EPHA6: variants seen among roughly 807,000 people sequenced by gnomAD.
EPHA6 encodes ephrin type-A receptor 6.
Under a neutral mutation model 112.0 loss-of-function variants are expected in EPHA6, and 50 were observed. That is an observed-to-expected ratio of 0.45 (90% confidence interval 0.36 to 0.56). The LOEUF (loss-of-function observed/expected upper bound fraction) is 0.56. Ranked by LOEUF, EPHA6 falls within the 20% of genes least tolerant of loss-of-function variation. The probability of loss-of-function intolerance (pLI) is 0.00; values close to 1 mark genes in which losing one functional copy is unlikely to be tolerated. For missense variants in EPHA6, 1,280 were observed against 1,417.4 expected (o/e 0.90, Z 1.56); for synonymous variants, 529 against 490.7 (o/e 1.08, Z -1.03).
intron 3 of EPHA6, among the ~76,000 whole-genome samples, chr3:97,000,368 T>G (rs1315292575): frequency 6.7e-6 from 1 of 149,988 alleles, no homozygotes; most frequent in Non-Finnish European, 1.5e-5. Context: ...TTTTATATAT[T>G]TTATATATAT....
intron 3 of EPHA6, among the ~76,000 whole-genome samples, chr3:97,220,384 T>G (rs887910932): frequency 4.6e-5 from 7 of 152,184 alleles, no homozygotes; most frequent in African/African-American, 1.7e-4. Flanking sequence ...CCCACTCTCT[T>G]TGGTACCAAT....
intron 3 of EPHA6, among the ~76,000 whole-genome samples, chr3:97,217,586 G>T (rs1002353442): frequency 1.3e-5 from 2 of 152,046 alleles, no homozygotes; most frequent in African/African-American, 4.8e-5. Context: ...AAAATGAAGA[G>T]GTATAAGAAA....
intron 3 of EPHA6, among the ~76,000 whole-genome samples, chr3:97,040,597 CTCTT>C (rs2045277436): frequency 1.3e-5 from 2 of 152,008 alleles, no homozygotes; most frequent in South Asian, 2.1e-4. Flanking sequence ...TATTTCAACT[CTCTT>C]TCTCTGATCA....
intron 10 of EPHA6, among the ~76,000 whole-genome samples, chr3:97,511,921 T>C (rs1231589577): frequency 1.3e-5 from 2 of 152,220 alleles, no homozygotes; most frequent in Admixed American, 6.5e-5. Context: ...CCAGCATTTT[T>C]AGTTTAATTT....
At chr3:97,443,808 G>A (rs1376623579) in intron 6 of EPHA6, among the ~76,000 whole-genome samples, 1 of 151,956 alleles carries the variant, frequency 6.6e-6, no homozygotes, top group Non-Finnish European at 1.5e-5. Context: ...ATTACTATGT[G>A]GTCCATAAGG....
intron 2 of EPHA6, among the ~76,000 whole-genome samples, chr3:96,893,787 G>A (rs2038111152): frequency 6.6e-6 from 1 of 152,168 alleles, no homozygotes; most frequent in Admixed American, 6.5e-5. Flanking sequence ...TGTTTGCTAT[G>A]TTGAAAGCAA....
chr3:96,829,947 GCGCACACA>G (rs1471247742), intron 1 of EPHA6, among the ~76,000 whole-genome samples: 4 of 70,458 alleles, frequency 5.7e-5, no homozygotes, highest in South Asian at 7.1e-4. Flanking sequence ...GTGCGCGCGC[GCGCACACA>G]CACACACACA....
Position 97,244,210 on chromosome 3 carries a change from A to G in EPHA6, c.1529A>G (p.Glu510Gly). 6.2e-7 allele frequency: 1 copy of G among 1,613,224 alleles called. No homozygotes were observed. The highest frequency in any genetic ancestry group is 8.5e-7 in the Non-Finnish European group (1 of 1,179,390). Residue 510 changes from glutamate (E) to glycine (G), a missense_variant, in exon 5 of 18, where the codon GAA (glutamate) becomes GGA (glycine). Glu to Gly is a moderately conservative substitution (Grantham distance 98). Transcript: ENST00000389672. ...VSHVNYTFEIEAMNGVSELSF... is the reference protein window; with the variant it reads ...VSHVNYTFEIGAMNGVSELSF... The stretch of plus-strand genomic sequence containing the variant: ...CACGTGAATTACACCTTTGAAATAG[A>G]AGCAATGAATGGAGTTTCTGAGTTG...
intron 5 of EPHA6, among the ~76,000 whole-genome samples, chr3:97,364,764 A>T (rs1271532104): frequency 1.3e-5 from 2 of 152,166 alleles, no homozygotes; most frequent in Non-Finnish European, 1.5e-5. Flanking sequence ...ATTTACTTTT[A>T]AAAGTACATT....
intron 5 of EPHA6, among the ~76,000 whole-genome samples, chr3:97,250,869 T>C (rs1576770769): frequency 2.0e-5 from 3 of 152,106 alleles, no homozygotes; most frequent in Non-Finnish European, 4.4e-5. Context: ...TATTTTCTTT[T>C]TTTTTTTCTC....
chr3:97,441,484 A>G (rs1464919659), intron 6 of EPHA6: 11 of 929,378 alleles, frequency 1.2e-5, no homozygotes, highest in Admixed American at 6.2e-5. Context: ...TAAGTCAGAC[A>G]TAATTATATT....
At chr3:96,886,540 C>T (rs2037636308) in intron 2 of EPHA6, among the ~76,000 whole-genome samples, 1 of 152,128 alleles carries the variant, frequency 6.6e-6, no homozygotes, top group African/African-American at 2.4e-5. Context: ...CCTTTTTCCA[C>T]TCCTTATACT....
At chr3:97,302,261 A>G (rs1162457970) in intron 5 of EPHA6, among the ~76,000 whole-genome samples, 1 of 152,022 alleles carries the variant, frequency 6.6e-6, no homozygotes, top group African/African-American at 2.4e-5. Context: ...AGAATTTAGT[A>G]TGATGGTTTT....
intron 14 of EPHA6, among the ~76,000 whole-genome samples, chr3:97,707,808 T>C (rs2033760954): frequency 6.6e-6 from 1 of 151,990 alleles, no homozygotes; most frequent in Non-Finnish European, 1.5e-5. Flanking sequence ...TGAGTTCTCA[T>C]GAGATCTGAT....
chr3:96,842,494 G>A (rs1352790797), intron 1 of EPHA6, among the ~76,000 whole-genome samples: 2 of 151,830 alleles, frequency 1.3e-5, no homozygotes, highest in South Asian at 2.1e-4. Context: ...GCTTCCCTCC[G>A]TAACCTCTAA....
chr3:97,092,155 G>A (rs554390878), intron 3 of EPHA6, among the ~76,000 whole-genome samples: 42 of 149,638 alleles, frequency 2.8e-4, no homozygotes, highest in African/African-American at 8.4e-4. Flanking sequence ...GTAAACAAAA[G>A]ATAGAACGTT....
chr3:97,069,155 C>T (rs994420204), intron 3 of EPHA6, among the ~76,000 whole-genome samples: 2 of 151,958 alleles, frequency 1.3e-5, no homozygotes, highest in Non-Finnish European at 2.9e-5. Context: ...AAATGCCTTA[C>T]CAATAATATA....
intron 5 of EPHA6, among the ~76,000 whole-genome samples, chr3:97,322,196 A>G (rs1028313055): frequency 2.6e-5 from 4 of 152,088 alleles, no homozygotes; most frequent in Admixed American, 1.3e-4. Context: ...TTTAGATGCT[A>G]AGCTATGCAA....
chr3:97,217,685 T>G (rs1289345769), intron 3 of EPHA6, among the ~76,000 whole-genome samples: 1 of 152,124 alleles, frequency 6.6e-6, no homozygotes, highest in Non-Finnish European at 1.5e-5. Flanking sequence ...AATCATATGC[T>G]TTATTTGAAG....
Sources: gnomAD v4.1 joint callset for allele counts (sites outside exome capture counted in the v4.1 genomes callset) on GRCh38, gnomAD v4.1.1 for gene constraint, MANE v1.5 for transcripts, NCBI Gene and HGNC (gene_info 2026-07-23, HGNC 2026-07-21) for gene names.